The following MAGI2 variants were observed in gnomAD, a reference collection of about 807,000 sequenced individuals.
MAGI2 encodes the protein membrane-associated guanylate kinase, WW and PDZ domain-containing protein 2.
Under a neutral mutation model 133.3 loss-of-function variants are expected in MAGI2, and 35 were observed. That is an observed-to-expected ratio of 0.26 (90% CI 0.20 to 0.35). The LOEUF is 0.35. Ranked by LOEUF, MAGI2 falls within the 10% of genes least tolerant of loss-of-function variation. MAGI2 has a pLI of 1.00. For missense variants in MAGI2, 1,636 were observed against 1,863.4 expected, an observed-to-expected ratio of 0.88 and a Z score of 2.25; for synonymous variants, 729 against 710.6, an observed-to-expected ratio of 1.03 and a Z score of -0.41.
intron 1 of MAGI2, among the ~76,000 whole-genome samples, chr7:79,205,791 G>C (rs1829000817): frequency 1.3e-5 from 2 of 150,990 alleles, no homozygotes; most frequent in African/African-American, 4.9e-5. Context: ...TTAAAGTTAA[G>C]TTGTAATCAT....
chr7:78,865,878 A>G (rs1358905016), intron 2 of MAGI2, among the ~76,000 whole-genome samples: 3 of 152,202 alleles, frequency 2.0e-5, no homozygotes, highest in African/African-American at 7.2e-5. Context: ...TAACTTCACA[A>G]GGACCATATA....
At chr7:78,509,313 A>C (rs572080719) in intron 4 of MAGI2, 1 of 152,196 alleles carries the variant, frequency 6.6e-6, no homozygotes, top group South Asian at 2.1e-4. Flanking sequence ...TAGTCTTATA[A>C]ACAATGATCT....
chr7:78,209,090 C>T (rs1434049252), intron 10 of MAGI2, among the ~76,000 whole-genome samples: 64 of 130,764 alleles, frequency 4.9e-4, no homozygotes, highest in African/African-American at 1.4e-3. Flanking sequence ...GGCGTGGTGG[C>T]GGGCGCCTGT....
chr7:79,077,499 T>C (rs1357801772), intron 1 of MAGI2, among the ~76,000 whole-genome samples: 3 of 144,010 alleles, frequency 2.1e-5, no homozygotes, highest in Middle Eastern at 3.8e-3. Flanking sequence ...GGTGTGAACC[T>C]GGCCGGTGGA....
At chr7:78,374,475 T>C (rs1330004204) in intron 6 of MAGI2, among the ~76,000 whole-genome samples, 1 of 152,192 alleles carries the variant, frequency 6.6e-6, no homozygotes, top group Non-Finnish European at 1.5e-5. Context: ...GTCAGATAAA[T>C]AGTTTGCAAA....
At chr7:79,080,547 AAT>A (rs1188223671) in intron 1 of MAGI2, among the ~76,000 whole-genome samples, 2 of 152,134 alleles carry the variant, frequency 1.3e-5, no homozygotes, top group African/African-American at 4.8e-5. Context: ...AATTCAAACT[AAT>A]ATATCATCAA....
intron 2 of MAGI2, among the ~76,000 whole-genome samples, chr7:78,771,587 C>T (rs1825595265): frequency 6.6e-6 from 1 of 152,134 alleles, no homozygotes; most frequent in Admixed American, 6.5e-5. Context: ...AGGCTGTATC[C>T]TTTCAGAATC....
At chr7:78,372,953 C>A (rs963723402) in intron 6 of MAGI2, among the ~76,000 whole-genome samples, 4 of 151,276 alleles carry the variant, frequency 2.6e-5, no homozygotes, top group African/African-American at 9.7e-5. Context: ...CACAGCTTTA[C>A]CTCTGTAGTA....
At chr7:78,591,282 A>G (rs1055365982) in intron 3 of MAGI2, among the ~76,000 whole-genome samples, 1 of 152,228 alleles carries the variant, frequency 6.6e-6, no homozygotes, top group Non-Finnish European at 1.5e-5. Flanking sequence ...GACCTCATTG[A>G]GAAAGCCACA....
chr7:78,498,020 C>T (rs141996591), intron 5 of MAGI2, among the ~76,000 whole-genome samples: 1 of 152,090 alleles, frequency 6.6e-6, no homozygotes, highest in South Asian at 2.1e-4. Flanking sequence ...CTCTGGTTTA[C>T]CTTCCTCTTA....
intron 6 of MAGI2, among the ~76,000 whole-genome samples, chr7:78,385,483 T>C (rs913828306): frequency 2.6e-5 from 4 of 152,188 alleles, no homozygotes; most frequent in Admixed American, 6.5e-5. Flanking sequence ...AGTGTGTAAC[T>C]GTAACAATGA....
At chr7:78,986,948 AAG>A (rs1209781334) in intron 2 of MAGI2, among the ~76,000 whole-genome samples, 4 of 151,972 alleles carry the variant, frequency 2.6e-5, no homozygotes, top group Non-Finnish European at 5.9e-5. Flanking sequence ...GAACCAGGGA[AAG>A]AGAGACGATG....
At chr7:78,361,438 C>G (rs192989100) in intron 7 of MAGI2, among the ~76,000 whole-genome samples, 6 of 151,094 alleles carry the variant, frequency 4.0e-5, no homozygotes, top group African/African-American at 7.3e-5. Context: ...CCCTCCCCCC[C>G]ACAAAATGTG....
At chr7:79,265,309 A>C (rs1585372106) in intron 1 of MAGI2, among the ~76,000 whole-genome samples, 1 of 152,240 alleles carries the variant, frequency 6.6e-6, no homozygotes, top group Non-Finnish European at 1.5e-5. Context: ...ATGGTAATAC[A>C]CATGAAAGTT....
rs563186018 is a variant in MAGI2, at chr7:78,676,030, T to A, written c.419-48791A>T. Among the ~76,000 whole-genome samples, 24 of 152,254 alleles carry A rather than the reference T, an allele frequency of 1.6e-4. 1 individual carries two copies. The South Asian group carries it at 4.8e-3, about 30-fold the overall frequency. Reference sequence around the variant, plus strand: ...GGATATTGTTTTCACTGATTCTAAGTCACCAGTGACTTGCTAGCTTTGGAC... The same window carrying A: ...GGATATTGTTTTCACTGATTCTAAGACACCAGTGACTTGCTAGCTTTGGAC... On this transcript the variant is annotated intron_variant, in intron 2 of 21. Coordinates refer to ENST00000354212, the MANE Select transcript of MAGI2 (RefSeq NM_012301.4).
intron 7 of MAGI2, among the ~76,000 whole-genome samples, chr7:78,360,601 C>T (rs1792674656): frequency 1.3e-5 from 2 of 152,196 alleles, no homozygotes; most frequent in Non-Finnish European, 2.9e-5. Flanking sequence ...CATCATCTAC[C>T]TGTCATAGAA....
chr7:79,083,029 TC>T (rs1482993083), intron 1 of MAGI2, among the ~76,000 whole-genome samples: 1 of 151,688 alleles, frequency 6.6e-6, no homozygotes, highest in Non-Finnish European at 1.5e-5. Flanking sequence ...TGTATATTGA[TC>T]TTCTGCTTGC....
At chr7:78,748,943 A>G (rs1315263888) in intron 2 of MAGI2, among the ~76,000 whole-genome samples, 1 of 152,234 alleles carries the variant, frequency 6.6e-6, no homozygotes, top group Admixed American at 6.5e-5. Context: ...TATTCAACAC[A>G]TATTTGTCAA....
At chr7:78,672,467 C>A (rs537275569) in intron 2 of MAGI2, among the ~76,000 whole-genome samples, 1 of 152,226 alleles carries the variant, frequency 6.6e-6, no homozygotes, top group South Asian at 2.1e-4. Flanking sequence ...TATAGCAATA[C>A]AAAATGGACA....
Sources: allele counts gnomAD v4.1 joint callset (sites outside exome capture counted in the v4.1 genomes callset), GRCh38; gene constraint gnomAD v4.1.1; transcripts MANE v1.5; gene names NCBI Gene and HGNC (gene_info 2026-07-23, HGNC 2026-07-21).